The following EPC2 variants were observed in gnomAD, a reference collection of about 807,000 sequenced individuals.
EPC2 encodes the protein enhancer of polycomb 2, also known as enhancer of polycomb homolog 2.
EPC2 carries 14 observed loss-of-function variants against 92.1 expected under a neutral mutation model. The ratio of observed to expected loss-of-function variants is 0.15; its 90% CI spans 0.10 to 0.24. The LOEUF (loss-of-function observed/expected upper bound fraction) is 0.24, where lower values mean the gene tolerates loss of function less well. Ranked by LOEUF, EPC2 falls within the 10% of genes least tolerant of loss-of-function variation. The probability of loss-of-function intolerance (pLI) is 1.00; values close to 1 mark genes in which losing one functional copy is unlikely to be tolerated. For synonymous variants in EPC2, 340 were observed against 334.7 expected (o/e 1.02, Z -0.17); for missense variants, 755 against 971.5 (o/e 0.78, Z 2.96).
At chr2:148,776,704 C>G (rs921499391) in intron 10 of EPC2, among the ~76,000 whole-genome samples, 2 of 152,098 alleles carry the variant, frequency 1.3e-5, no homozygotes, top group Non-Finnish European at 2.9e-5. Flanking sequence ...GTCAGCATAT[C>G]TTTGAGAAAG....
chr2:148,690,092 G>A, intron 1 of EPC2, 122 bp from the exon 2 acceptor site: 2 of 938,262 alleles, frequency 2.1e-6, no homozygotes, highest in South Asian at 2.2e-5. Flanking sequence ...TTTGGCAAAG[G>A]AACTATTTAT....
At position 148,785,013 on chromosome 2, in the gene EPC2, T is replaced by G. The variant is rs1161844121; in HGVS notation, c.2351+12T>G. 2 of 1,477,262 alleles carry G rather than the reference T, an allele frequency of 1.4e-6. No homozygotes were observed. Among genetic ancestry groups the G allele is most frequent in the Non-Finnish European group, 9.0e-7 (1 of 1,113,388 alleles). 91.5% of individuals were successfully genotyped at this position (1,477,262 alleles called of 1,614,324 possible). ...AGCAGCATAGCAAGGTGTGTGTGTG[T>G]GTTTCAGTGATTTTTCTCCCTTTGT... On this transcript the variant is annotated intron_variant, in intron 13 of 13. Transcript: ENST00000258484.
chr2:148,710,139 TC>T (rs1188143019), intron 2 of EPC2, among the ~76,000 whole-genome samples: 1 of 151,962 alleles, frequency 6.6e-6, no homozygotes, highest in Non-Finnish European at 1.5e-5. Context: ...AAGAACTTAA[TC>T]AAATTTGCAA....
intron 3 of EPC2, among the ~76,000 whole-genome samples, chr2:148,751,527 A>AT (rs1456672920): frequency 6.6e-6 from 1 of 151,960 alleles, no homozygotes; most frequent in African/African-American, 2.4e-5. Flanking sequence ...TTTATTTTTA[A>AT]TTTTTTTAGA....
chr2:148,766,166 A>T (rs1683404514), intron 7 of EPC2, among the ~76,000 whole-genome samples: 1 of 152,228 alleles, frequency 6.6e-6, no homozygotes, highest in Admixed American at 6.5e-5. Flanking sequence ...AAAGACCTTG[A>T]ACTACTACCA....
chr2:148,767,803 G>A (rs1165336017), intron 7 of EPC2, among the ~76,000 whole-genome samples: 2 of 152,152 alleles, frequency 1.3e-5, no homozygotes. Context: ...TCTACCCCGG[G>A]GAATCGTAGT....
At chr2:148,690,043 G>A (rs762283167) in intron 1 of EPC2, among the ~76,000 whole-genome samples, 171 bp from the exon 2 acceptor site, 3 of 152,134 alleles carry the variant, frequency 2.0e-5, no homozygotes, top group Non-Finnish European at 2.9e-5. Context: ...TATGAGCCAC[G>A]AGTATTAAGA....
At chr2:148,702,308 G>A (rs1681907596) in intron 2 of EPC2, among the ~76,000 whole-genome samples, 1 of 152,064 alleles carries the variant, frequency 6.6e-6, no homozygotes, top group African/African-American at 2.4e-5. Flanking sequence ...AGCTTTTTCT[G>A]GGGATTAGGA....
intron 1 of EPC2, among the ~76,000 whole-genome samples, chr2:148,668,527 C>A (rs894165437): frequency 6.6e-6 from 1 of 152,080 alleles, no homozygotes; most frequent in Non-Finnish European, 1.5e-5. Context: ...TTGTTTTTCT[C>A]CTTAAATATT....
intron 2 of EPC2, among the ~76,000 whole-genome samples, chr2:148,740,228 CTTT>C (rs923664493): frequency 7.1e-6 from 1 of 140,546 alleles, no homozygotes; most frequent in Non-Finnish European, 1.6e-5. Context: ...AGTATGTCCT[CTTT>C]TTTTTTTTTT....
At chr2:148,744,315 T>C (rs1014845570) in intron 3 of EPC2, among the ~76,000 whole-genome samples, 1 of 152,114 alleles carries the variant, frequency 6.6e-6, no homozygotes, top group Non-Finnish European at 1.5e-5. Context: ...TTTATGCACT[T>C]TGATTTAATA....
intron 1 of EPC2, among the ~76,000 whole-genome samples, chr2:148,646,944 C>T (rs1164005259): frequency 2.0e-5 from 3 of 151,894 alleles, no homozygotes; most frequent in Admixed American, 6.6e-5. Context: ...ACTCCGTCTC[C>T]ACTAAAAATA....
chr2:148,719,282 C>T (rs981880742), intron 2 of EPC2, among the ~76,000 whole-genome samples: 2 of 152,138 alleles, frequency 1.3e-5, no homozygotes, highest in Non-Finnish European at 2.9e-5. Flanking sequence ...TGAGCCCTTG[C>T]TTGAGAGATG....
chr2:148,767,197 CAAAAAAA>C (rs11364622), intron 7 of EPC2, among the ~76,000 whole-genome samples: 3 of 124,320 alleles, frequency 2.4e-5, no homozygotes, highest in Middle Eastern at 8.8e-3. Context: ...GACCCTGTTT[CAAAAAAA>C]AAAAAAAAAA....
chr2:148,699,226 A>G (rs1681824587), intron 2 of EPC2, among the ~76,000 whole-genome samples: 1 of 152,258 alleles, frequency 6.6e-6, no homozygotes, highest in Non-Finnish European at 1.5e-5. Flanking sequence ...CAAAATTTTC[A>G]TGTGCTACCC....
At chr2:148,706,809 G>A (rs182604084) in intron 2 of EPC2, among the ~76,000 whole-genome samples, 176 of 152,168 alleles carry the variant, frequency 1.2e-3, no homozygotes, top group African/African-American at 3.9e-3. Flanking sequence ...AGAGATTTTT[G>A]TCACCACCAG....
intron 2 of EPC2, among the ~76,000 whole-genome samples, chr2:148,702,702 C>T (rs770544008): frequency 6.6e-6 from 1 of 152,194 alleles, no homozygotes; most frequent in Non-Finnish European, 1.5e-5. Context: ...GTATAAGGGA[C>T]CACACCTGTT....
At chr2:148,698,694 CTTT>C (rs386355296) in intron 2 of EPC2, among the ~76,000 whole-genome samples, 1 of 88,212 alleles carries the variant, frequency 1.1e-5, no homozygotes, top group Non-Finnish European at 1.9e-5. Flanking sequence ...AGAAAGTAAG[CTTT>C]TTTTTTTTTT....
chr2:148,664,828 C>T (rs2105357151), intron 1 of EPC2, among the ~76,000 whole-genome samples: 1 of 152,256 alleles, frequency 6.6e-6, no homozygotes, highest in East Asian at 1.9e-4. Context: ...TAGTTCACTC[C>T]ATTTTGTTGC....
Sources: gnomAD v4.1 joint callset for allele counts (sites outside exome capture counted in the v4.1 genomes callset) on GRCh38, gnomAD v4.1.1 for gene constraint, MANE v1.5 for transcripts, NCBI Gene and HGNC (gene_info 2026-07-23, HGNC 2026-07-21) for gene names.